Variants in GRID2 observed in about 807,000 individuals in gnomAD.
The protein encoded by GRID2 is glutamate ionotropic receptor delta type subunit 2, also known as glutamate receptor ionotropic, delta-2.
Under a neutral mutation model 114.8 loss-of-function variants are expected in GRID2, and 33 were observed. The ratio of observed to expected loss-of-function variants is 0.29; its 90% CI spans 0.22 to 0.38. The LOEUF is 0.38. Among genes scored for constraint, GRID2 ranks in the 10% least tolerant of loss-of-function variants. GRID2 has a pLI of 1.00. For missense variants in GRID2, 1,184 were observed against 1,257.7 expected, an observed-to-expected ratio of 0.94 and a Z score of 0.89; for synonymous variants, 505 against 449.9, an observed-to-expected ratio of 1.12 and a Z score of -1.55.
rs571906142 is a variant in GRID2 at position 93,211,773 on chromosome 4, G to A, written c.789+4316G>A. Reference sequence around the variant, plus strand: ...CATACCATTTACATTACACAGGTTAGCACTTTTATCTGAACAAGGTTAAAA... The same window carrying A: ...CATACCATTTACATTACACAGGTTAACACTTTTATCTGAACAAGGTTAAAA... On this transcript the variant is annotated intron_variant, in intron 5 of 15. Transcript: ENST00000282020. 4.6e-5 allele frequency among the ~76,000 whole-genome samples: 7 copies of A among 152,214 alleles called. No homozygotes were observed. The South Asian group carries it at 1.4e-3, about 32-fold the overall frequency.
chr4:93,742,777 C>T (rs1318602428), intron 14 of GRID2, among the ~76,000 whole-genome samples: 2 of 152,146 alleles, frequency 1.3e-5, no homozygotes, highest in Non-Finnish European at 2.9e-5. Flanking sequence ...CCCCTCATAT[C>T]TCTCCTTCTC....
At chr4:93,309,927 G>T (rs1383720865) in intron 8 of GRID2, among the ~76,000 whole-genome samples, 2 of 152,112 alleles carry the variant, frequency 1.3e-5, no homozygotes, top group Non-Finnish European at 2.9e-5. Flanking sequence ...GATGGGCTTT[G>T]CTTTATTAAT....
chr4:92,847,917 GCATT>G (rs1743460108), intron 2 of GRID2, among the ~76,000 whole-genome samples: 1 of 151,868 alleles, frequency 6.6e-6, no homozygotes, highest in South Asian at 2.1e-4. Context: ...GTGCATTTGT[GCATT>G]CAGTGTATAT....
intron 13 of GRID2, among the ~76,000 whole-genome samples, chr4:93,599,903 A>G (rs58199464): frequency 0.022 from 3,418 of 152,264 alleles, 117 homozygotes; most frequent in African/African-American, 0.077. Context: ...TACCAGAAAG[A>G]TGAGAATCAG....
At chr4:93,787,584 C>T (rs1329115620) in intron 1 of GRID2, among the ~76,000 whole-genome samples, 2 of 152,116 alleles carry the variant, frequency 1.3e-5, no homozygotes, top group Non-Finnish European at 2.9e-5. Flanking sequence ...GCACAGGACA[C>T]CTTCTACCAT....
At chr4:92,345,934 A>G (rs772795690) in intron 1 of GRID2, among the ~76,000 whole-genome samples, 13 of 152,232 alleles carry the variant, frequency 8.5e-5, no homozygotes, top group Non-Finnish European at 1.5e-4. Context: ...GTGACTTATC[A>G]AAAGTGTTGT....
At chr4:93,433,542 C>T (rs1024636755) in intron 10 of GRID2, among the ~76,000 whole-genome samples, 1 of 152,098 alleles carries the variant, frequency 6.6e-6, no homozygotes, top group Non-Finnish European at 1.5e-5. Flanking sequence ...AAGAGAATTC[C>T]CACGCCATGT....
chr4:92,450,923 T>C (rs912995814), intron 1 of GRID2, among the ~76,000 whole-genome samples: 4 of 149,266 alleles, frequency 2.7e-5, no homozygotes, highest in African/African-American at 4.9e-5. Flanking sequence ...AATATTTAAA[T>C]AAATTTAAAT....
intron 2 of GRID2, among the ~76,000 whole-genome samples, chr4:93,060,939 T>C (rs1488232620): frequency 6.6e-6 from 1 of 151,758 alleles, no homozygotes; most frequent in African/African-American, 2.4e-5. Context: ...CCCACTTCAC[T>C]TAGAAATATA....
At chr4:93,732,607 C>G (rs1265769867) in intron 14 of GRID2, among the ~76,000 whole-genome samples, 1 of 151,962 alleles carries the variant, frequency 6.6e-6, no homozygotes, top group East Asian at 1.9e-4. Context: ...TAACTCAACT[C>G]TTTGTGTGGT....
At chr4:92,943,139 C>G (rs1050720515) in intron 2 of GRID2, among the ~76,000 whole-genome samples, 2 of 152,186 alleles carry the variant, frequency 1.3e-5, no homozygotes, top group African/African-American at 2.4e-5. Flanking sequence ...TGAGGAAGTT[C>G]TCCTGGATAA....
chr4:93,247,481 C>T (rs1171277394), intron 8 of GRID2, among the ~76,000 whole-genome samples: 2 of 152,082 alleles, frequency 1.3e-5, no homozygotes, highest in Non-Finnish European at 2.9e-5. Context: ...CTCTTGCGCT[C>T]AGACATGGGC....
intron 13 of GRID2, among the ~76,000 whole-genome samples, chr4:93,596,775 G>C (rs895163224): frequency 6.6e-6 from 1 of 152,076 alleles, no homozygotes; most frequent in African/African-American, 2.4e-5. Context: ...AACACGATCT[G>C]TCTCATTGTT....
intron 11 of GRID2, among the ~76,000 whole-genome samples, chr4:93,489,297 T>C (rs1726739586): frequency 6.6e-6 from 1 of 151,926 alleles, no homozygotes. Flanking sequence ...GGCATAACCA[T>C]TTGCAAATGC....
intron 7 of GRID2, among the ~76,000 whole-genome samples, chr4:93,229,823 C>T (rs1456952411): frequency 6.6e-6 from 1 of 151,942 alleles, no homozygotes; most frequent in Admixed American, 6.6e-5. Flanking sequence ...CTCAGGTACT[C>T]TTGTGTACCT....
At chr4:93,311,719 G>A (rs1278169216) in intron 8 of GRID2, among the ~76,000 whole-genome samples, 2 of 152,128 alleles carry the variant, frequency 1.3e-5, no homozygotes, top group Non-Finnish European at 2.9e-5. Flanking sequence ...AATGTATGAG[G>A]ATGAACAGGA....
intron 1 of GRID2, among the ~76,000 whole-genome samples, chr4:93,791,437 G>A (rs1734692304): frequency 6.6e-6 from 1 of 151,938 alleles, no homozygotes; most frequent in Non-Finnish European, 1.5e-5. Flanking sequence ...TAGTAAGGCA[G>A]GTCTATTTAG....
intron 1 of GRID2, among the ~76,000 whole-genome samples, chr4:92,558,299 G>GA (rs1356546651): frequency 2.0e-5 from 3 of 152,118 alleles, no homozygotes. Flanking sequence ...TCATGGGGAT[G>GA]AAAAGGCTAT....
intron 2 of GRID2, among the ~76,000 whole-genome samples, chr4:92,931,126 T>C (rs958059319): frequency 6.6e-6 from 1 of 151,080 alleles, no homozygotes; most frequent in African/African-American, 2.4e-5. Context: ...ATTCCAAAGT[T>C]GTATTCAGAA....
Sources: gnomAD v4.1 joint callset for allele counts (sites outside exome capture counted in the v4.1 genomes callset) on GRCh38, gnomAD v4.1.1 for gene constraint, MANE v1.5 for transcripts, NCBI Gene and HGNC (gene_info 2026-07-23, HGNC 2026-07-21) for gene names.